Variants in FBXW11 observed in about 807,000 individuals in gnomAD.
FBXW11 encodes F-box/WD repeat-containing protein 11.
Under a neutral mutation model 77.6 loss-of-function variants are expected in FBXW11, and 19 were observed. The ratio of observed to expected loss-of-function variants is 0.24; its 90% CI spans 0.17 to 0.36. The LOEUF (loss-of-function observed/expected upper bound fraction) is 0.36, where lower values mean the gene tolerates loss of function less well. Among genes scored for constraint, FBXW11 ranks in the 10% least tolerant of loss-of-function variants. The pLI is 1.00. For synonymous variants in FBXW11, 235 were observed against 249.4 expected (o/e 0.94, Z 0.54); for missense variants, 334 against 704.2 (o/e 0.47, Z 5.95).
Position 171,904,753 on chromosome 5 carries a change from G to C in FBXW11, c.437-4653C>G, listed in dbSNP as rs1760364107. Among the ~76,000 whole-genome samples, 2 of 151,970 alleles carry C rather than the reference G, an allele frequency of 1.3e-5. No individual in the cohort carries two copies. The highest frequency in any genetic ancestry group is 4.8e-5 in the African/African-American group (2 of 41,366). On this transcript the variant is annotated intron_variant, in intron 4 of 13. Coordinates refer to ENST00000517395, the MANE Select transcript of FBXW11 (RefSeq NM_001378974.1). This position sits in a 1 kb window ranked among gnomAD's most constrained non-coding sequence, Gnocchi z 4.0. ...TGCCCAGGTAATTTTTGTATTTTTA[G>C]TACAGATGGGGTTTCACCATGTTGG...
intron 1 of FBXW11, among the ~76,000 whole-genome samples, chr5:171,994,838 G>C (rs1581093607): frequency 6.6e-6 from 1 of 152,084 alleles, no homozygotes; most frequent in Non-Finnish European, 1.5e-5. Flanking sequence ...CGGAGTTTGA[G>C]ACCAGCCTGG....
intron 13 of FBXW11, among the ~76,000 whole-genome samples, 160 bp from the exon 14 acceptor site, chr5:171,864,261 T>TACTACAA (rs1757246544): frequency 6.6e-6 from 1 of 152,190 alleles, no homozygotes; most frequent in South Asian, 2.1e-4. Flanking sequence ...ACATACCAGG[T>TACTACAA]ATCACATTTA....
At chr5:171,924,483 G>A (rs73329824) in intron 2 of FBXW11, among the ~76,000 whole-genome samples, 2,760 of 152,174 alleles carry the variant, frequency 0.018, 81 homozygotes, top group African/African-American at 0.062. Flanking sequence ...TGCCCTCTCC[G>A]CTGAGAACTG....
intron 1 of FBXW11, among the ~76,000 whole-genome samples, chr5:171,995,717 C>T (rs1285251593): frequency 2.6e-5 from 4 of 151,684 alleles, no homozygotes; most frequent in African/African-American, 9.7e-5. Flanking sequence ...CGCGCCACTG[C>T]ACTCCAGCCT....
At chr5:171,938,103 C>G (rs1282676867) in intron 2 of FBXW11, among the ~76,000 whole-genome samples, 1 of 152,192 alleles carries the variant, frequency 6.6e-6, no homozygotes, top group African/African-American at 2.4e-5. Context: ...TGTCGCCAAG[C>G]CTGAAGTGCA....
At chr5:171,969,066 G>C (rs933323638) in intron 1 of FBXW11, among the ~76,000 whole-genome samples, 1 of 151,884 alleles carries the variant, frequency 6.6e-6, no homozygotes, top group African/African-American at 2.4e-5. Flanking sequence ...TCAGGAGTTT[G>C]AGACCAGCCT....
At chr5:171,932,668 T>G (rs79235692) in intron 2 of FBXW11, among the ~76,000 whole-genome samples, 1 of 152,292 alleles carries the variant, frequency 6.6e-6, no homozygotes, top group East Asian at 1.9e-4. Flanking sequence ...TATATACTCT[T>G]GCCCAACAAT....
intron 2 of FBXW11, among the ~76,000 whole-genome samples, chr5:171,951,673 T>C (rs1399800388): frequency 1.3e-5 from 2 of 152,162 alleles, no homozygotes; most frequent in Non-Finnish European, 2.9e-5. Flanking sequence ...GTATTTTTAG[T>C]AGAGACGGGG....
intron 6 of FBXW11, among the ~76,000 whole-genome samples, chr5:171,893,434 A>AAAAAAC (rs1561656903): frequency 7.0e-6 from 1 of 143,706 alleles, no homozygotes; most frequent in African/African-American, 2.5e-5. Flanking sequence ...AAAAAAAAAA[A>AAAAAAC]AAAAAAAAAA....
rs992538603 is a variant in FBXW11 at position 171,863,086 on chromosome 5, A to G, written c.*1041T>C. ...TATAATATATACTCCACAACAAATA[A>G]AACATTTTGGTGTTAAACCTTAGAA... On this transcript the variant is annotated 3_prime_UTR_variant, in exon 14 of 14. Coordinates refer to ENST00000517395, the MANE Select transcript of FBXW11 (RefSeq NM_001378974.1). 5 of 152,646 alleles carry G rather than the reference A, an allele frequency of 3.3e-5. No individual in the cohort carries two copies. Among genetic ancestry groups the G allele is most frequent in the African/African-American group, 1.2e-4 (5 of 41,456 alleles). The allele number at this position is 152,646 out of a possible 1,614,324, so 9.5% of individuals were successfully genotyped here. A position where few individuals can be genotyped will look rare whatever the true frequency, so the allele number is the denominator to read the frequency against.
At chr5:171,865,996 G>A (rs116127513) in intron 13 of FBXW11, among the ~76,000 whole-genome samples, 234 of 152,320 alleles carry the variant, frequency 1.5e-3, no homozygotes, top group Middle Eastern at 3.4e-3. Flanking sequence ...CGCACGCGGT[G>A]GCTCACTCCT....
At chr5:171,992,494 A>G (rs1765798586) in intron 1 of FBXW11, among the ~76,000 whole-genome samples, 1 of 152,048 alleles carries the variant, frequency 6.6e-6, no homozygotes, top group South Asian at 2.1e-4. Flanking sequence ...AAAGGAAGAA[A>G]GAAAAGAGAG....
In FBXW11 at chr5:171,910,812, CA is replaced by C. The variant is rs141816858; in HGVS notation, c.211-16del. The C allele has an allele frequency of 0.01, 14,005 of 1,361,272 alleles. 404 individuals carry two copies. The African/African-American group carries it at 0.11, about 11-fold the overall frequency. 84.3% of individuals were successfully genotyped at this position (1,361,272 alleles called of 1,614,324 possible). A position where few individuals can be genotyped will look rare whatever the true frequency, so the allele number is the denominator to read the frequency against. On this transcript the variant is annotated splice_polypyrimidine_tract_variant and intron_variant, in intron 3 of 13. Coordinates refer to ENST00000517395, the MANE Select transcript of FBXW11 (RefSeq NM_001378974.1). Reference sequence around the variant, plus strand: ...CCATTACTTATCTATTTTAGAAAAACAAAAAAAAAATTAGTTTAACAAGGAA... The same window carrying C: ...CCATTACTTATCTATTTTAGAAAAACAAAAAAAAATTAGTTTAACAAGGAA...
rs1240537283 is a variant in FBXW11, at chr5:171,878,112, G to A, written c.870C>T (p.Ser290=). 1.9e-6 allele frequency: 3 copies of A among 1,613,422 alleles called. No homozygotes were observed. Among genetic ancestry groups the A allele is most frequent in the Admixed American group, 1.7e-5 (1 of 59,958 alleles). ...DNSIKIWDKT[S]LECLKVLTGH... is the part of the protein sequence containing the mutation. The stretch of plus-strand genomic sequence containing the variant: ...CTGTTAACACTTTCAAACATTCCAG[G>A]CTGGTTTTATCCCATATCTATTGAG... The change falls in exon 8 of 14, where the codon AGC becomes AGT. Residue 290 remains serine (S), a synonymous_variant. Coordinates refer to ENST00000517395, the MANE Select transcript of FBXW11 (RefSeq NM_001378974.1).
At chr5:171,908,823 A>T (rs986639594) in intron 4 of FBXW11, 1 of 152,114 alleles carries the variant, frequency 6.6e-6, no homozygotes, top group Admixed American at 6.6e-5. Context: ...TTAGAACATG[A>T]GTCTTGTTTG....
At chr5:171,880,272 T>C (rs2113795363) in intron 7 of FBXW11, among the ~76,000 whole-genome samples, 1 of 152,366 alleles carries the variant, frequency 6.6e-6, no homozygotes, top group East Asian at 1.9e-4. Context: ...TATATATTTC[T>C]GGGCTCTCTA....
chr5:171,931,259 AGG>A, intron 2 of FBXW11, among the ~76,000 whole-genome samples: 1 of 152,276 alleles, frequency 6.6e-6, no homozygotes, highest in Non-Finnish European at 1.5e-5. Context: ...ACAAAGTTCA[AGG>A]AATGATACTG....
Position 171,869,061 on chromosome 5 carries a change from AG to A in FBXW11, c.1531-266del, listed in dbSNP as rs2113747935. The stretch of plus-strand genomic sequence containing the variant: ...ATCATCTCAAAAAGGGCCTTATAAA[AG>A]TAAACAACAATACATAATACCCATT... On this transcript the variant is annotated intron_variant, in intron 12 of 13. Coordinates refer to ENST00000517395, the MANE Select transcript of FBXW11 (RefSeq NM_001378974.1). The surrounding 1 kb of genome is among the most constrained non-coding windows in gnomAD (Gnocchi z 4.1). Among the ~76,000 whole-genome samples, 1 of 152,346 alleles carries A rather than the reference AG, an allele frequency of 6.6e-6. No individual in the cohort carries two copies. The highest frequency in any genetic ancestry group is 1.9e-4 in the East Asian group (1 of 5,188).
intron 7 of FBXW11, among the ~76,000 whole-genome samples, chr5:171,886,138 C>T (rs1172094770): frequency 6.6e-6 from 1 of 152,148 alleles, no homozygotes; most frequent in African/African-American, 2.4e-5. Flanking sequence ...TAAAGAAAAA[C>T]TACCAGTATT....
Sources: allele counts gnomAD v4.1 joint callset (sites outside exome capture counted in the v4.1 genomes callset), GRCh38; gene constraint gnomAD v4.1.1; non-coding constraint Gnocchi (gnomAD v3.1); transcripts MANE v1.5; gene names NCBI Gene and HGNC (gene_info 2026-07-23, HGNC 2026-07-21).